The following NOS1AP variants were observed in gnomAD, a reference collection of about 807,000 sequenced individuals.
The protein encoded by NOS1AP is carboxyl-terminal PDZ ligand of neuronal nitric oxide synthase protein.
Under a neutral mutation model 56.2 loss-of-function variants are expected in NOS1AP, and 21 were observed. The ratio of observed to expected loss-of-function variants is 0.37; its 90% CI spans 0.26 to 0.54. The LOEUF (loss-of-function observed/expected upper bound fraction) is 0.54, where lower values mean the gene tolerates loss of function less well. Among genes scored for constraint, NOS1AP ranks in the 20% least tolerant of loss-of-function variants. The pLI, the probability that NOS1AP is intolerant of heterozygous loss-of-function variation, is 0.84. For synonymous variants in NOS1AP, 270 were observed against 274.6 expected, an observed-to-expected ratio of 0.98 and a Z score of 0.17; for missense variants, 522 against 657.8, an observed-to-expected ratio of 0.79 and a Z score of 2.26.
intron 1 of NOS1AP, among the ~76,000 whole-genome samples, chr1:162,121,082 A>ATTTTTTTTT (rs372854857): frequency 9.7e-6 from 1 of 103,068 alleles, no homozygotes; most frequent in African/African-American, 3.6e-5. Flanking sequence ...GCACACTAGG[A>ATTTTTTTTT]TTTTTTTTTT....
At chr1:162,289,214 T>C (rs1326958885) in intron 3 of NOS1AP, among the ~76,000 whole-genome samples, 8 of 15,382 alleles carry the variant, frequency 5.2e-4, no homozygotes, top group Non-Finnish European at 1.1e-3. Flanking sequence ...CTTCCTTTCC[T>C]TCCTTCCTTC....
rs769901011 is a variant in NOS1AP, at chr1:162,343,909, G to A, written c.528G>A (p.Thr176=). The A allele has an allele frequency of 8.1e-6, 13 of 1,613,978 alleles. No individual in the cohort carries two copies. The highest frequency in any genetic ancestry group is 1.6e-4 in the Middle Eastern group (1 of 6,082). The change falls in exon 6 of 10, where the codon ACG becomes ACA. Residue 176 remains threonine, a synonymous_variant. Transcript: ENST00000361897. ...EVCHKLSLQH[T]QQNADGQEDG... is the part of the protein sequence containing the mutation. The stretch of plus-strand genomic sequence containing the variant: ...GCCACAAGCTGAGCCTGCAGCACAC[G>A]CAGCAGAATGCAGATGGCCAGGAAG...
At chr1:162,243,458 G>A (rs907469724) in intron 2 of NOS1AP, among the ~76,000 whole-genome samples, 1 of 152,176 alleles carries the variant, frequency 6.6e-6, no homozygotes, top group Non-Finnish European at 1.5e-5. Context: ...AGAGATGATG[G>A]TGATTAGTAA....
chr1:162,160,514 C>T (rs963226365), intron 2 of NOS1AP, among the ~76,000 whole-genome samples: 18 of 152,148 alleles, frequency 1.2e-4, no homozygotes, highest in South Asian at 4.1e-4. Context: ...TTGTGAGTGC[C>T]GCCTGTCTGC....
chr1:162,362,215 C>G (rs949245886), intron 8 of NOS1AP, among the ~76,000 whole-genome samples: 2 of 152,156 alleles, frequency 1.3e-5, no homozygotes, highest in African/African-American at 4.8e-5. Context: ...CTTTGGGAGG[C>G]CGAGGCAGGT....
intron 1 of NOS1AP, among the ~76,000 whole-genome samples, chr1:162,101,588 CATTT>C (rs1011676259): frequency 1.4e-4 from 22 of 152,020 alleles, no homozygotes; most frequent in African/African-American, 4.3e-4. Context: ...AATGTTTTTC[CATTT>C]GTTTGTGTCC....
intron 4 of NOS1AP, among the ~76,000 whole-genome samples, chr1:162,306,590 T>C (rs540350251): frequency 6.6e-6 from 1 of 152,306 alleles, no homozygotes; most frequent in African/African-American, 2.4e-5. Context: ...CATCAGGTTC[T>C]AGTAATAGGC....
intron 1 of NOS1AP, among the ~76,000 whole-genome samples, chr1:162,103,036 C>G (rs1647362981): frequency 6.6e-6 from 1 of 151,960 alleles, no homozygotes; most frequent in South Asian, 2.1e-4. Context: ...AGGTTGTTAA[C>G]TTGAGATCTT....
intron 2 of NOS1AP, among the ~76,000 whole-genome samples, chr1:162,247,243 G>GTT (rs1360295126): frequency 6.6e-6 from 1 of 152,076 alleles, no homozygotes; most frequent in Admixed American, 6.6e-5. Context: ...TCTTTCTCTC[G>GTT]TAATTCCTTC....
intron 1 of NOS1AP, among the ~76,000 whole-genome samples, chr1:162,098,958 G>A (rs2102029317): frequency 6.6e-6 from 1 of 152,286 alleles, no homozygotes; most frequent in African/African-American, 2.4e-5. Context: ...ACTGTGAATA[G>A]TGCTGCAGTG....
At chr1:162,275,835 A>G (rs1654713636) in intron 2 of NOS1AP, among the ~76,000 whole-genome samples, 1 of 152,160 alleles carries the variant, frequency 6.6e-6, no homozygotes. Context: ...TGCACTCTGG[A>G]TGTCACAGTG....
At position 162,365,610 on chromosome 1, in the gene NOS1AP, G is replaced by T; in HGVS notation, c.1105+41G>T. The T allele has an allele frequency of 2.5e-6, 4 of 1,601,676 alleles. No homozygotes were observed. In the Admixed American group the frequency reaches 5.0e-5, roughly 20 times the overall value. On this transcript the variant is annotated intron_variant, in intron 9 of 9. Coordinates refer to ENST00000361897, the MANE Select transcript of NOS1AP (RefSeq NM_014697.3). ...GCCCAGCCCTGCTTCCTCTGTGAAG[G>T]CTCTGGAAAGAGTGTCACTTTCCTT...
intron 2 of NOS1AP, among the ~76,000 whole-genome samples, chr1:162,251,222 T>C (rs1053203655): frequency 9.0e-4 from 137 of 152,284 alleles, no homozygotes; most frequent in African/African-American, 3.2e-3. Context: ...CAATATGGTG[T>C]CATGCCATCT....
At chr1:162,171,785 T>A (rs994879973) in intron 2 of NOS1AP, among the ~76,000 whole-genome samples, 2 of 152,122 alleles carry the variant, frequency 1.3e-5, no homozygotes, top group Admixed American at 6.5e-5. Flanking sequence ...TCTAGTGGCA[T>A]CTCTTCTCTC....
chr1:162,310,896 C>CTCTT (rs1656004848), intron 4 of NOS1AP, among the ~76,000 whole-genome samples: 1 of 151,794 alleles, frequency 6.6e-6, no homozygotes, highest in Non-Finnish European at 1.5e-5. Context: ...CTGACTCTCT[C>CTCTT]TCTCTCTTCT....
intron 4 of NOS1AP, among the ~76,000 whole-genome samples, chr1:162,329,379 G>GAA (rs1656694063): frequency 6.6e-6 from 1 of 151,626 alleles, no homozygotes; most frequent in Non-Finnish European, 1.5e-5. Context: ...GAGAGAGAGA[G>GAA]AGAGAAAAGA....
At chr1:162,231,357 G>T (rs1653119350) in intron 2 of NOS1AP, among the ~76,000 whole-genome samples, 1 of 152,090 alleles carries the variant, frequency 6.6e-6, no homozygotes, top group Non-Finnish European at 1.5e-5. Context: ...TTGTTGAGCT[G>T]TACTTCTTAT....
At chr1:162,328,424 T>G (rs1308310141) in intron 4 of NOS1AP, among the ~76,000 whole-genome samples, 1 of 152,214 alleles carries the variant, frequency 6.6e-6, no homozygotes, top group Non-Finnish European at 1.5e-5. Context: ...ATTAAAATGT[T>G]GGCCATTTGG....
chr1:162,297,945 T>C (rs372190152), intron 3 of NOS1AP, among the ~76,000 whole-genome samples: 1 of 152,152 alleles, frequency 6.6e-6, no homozygotes, highest in Non-Finnish European at 1.5e-5. Context: ...ATATCCCAGA[T>C]GCAGAGCTGA....
Sources: gnomAD v4.1 joint callset for allele counts (sites outside exome capture counted in the v4.1 genomes callset) on GRCh38, gnomAD v4.1.1 for gene constraint, MANE v1.5 for transcripts, NCBI Gene and HGNC (gene_info 2026-07-23, HGNC 2026-07-21) for gene names.